Variants in SUDS3 observed in about 807,000 individuals in gnomAD.
The protein encoded by SUDS3 is SIN3A corepressor complex component SDS3.
A neutral mutation model predicts 53.5 loss-of-function variants in SUDS3; 23 were observed. The ratio of observed to expected loss-of-function variants is 0.43; its 90% confidence interval spans 0.31 to 0.61. The LOEUF (loss-of-function observed/expected upper bound fraction) is 0.61, where lower values mean the gene tolerates loss of function less well. Ranked by LOEUF, SUDS3 falls within the 20% of genes least tolerant of loss-of-function variation. The pLI is 0.10. For missense variants in SUDS3, 291 were observed against 405.9 expected, an observed-to-expected ratio of 0.72 and a Z score of 2.43; for synonymous variants, 150 against 148.5, an observed-to-expected ratio of 1.01 and a Z score of -0.08.
intron 1 of SUDS3, among the ~76,000 whole-genome samples, chr12:118,379,535 G>A (rs1309382535): frequency 2.0e-5 from 3 of 152,188 alleles, no homozygotes; most frequent in Admixed American, 6.5e-5. Context: ...TGGTATCCAC[G>A]GGAGGTGCAG....
rs566785212 is a variant in SUDS3 at position 118,400,035 on chromosome 12, G to A, written c.518-624G>A. 2.0e-5 allele frequency among the ~76,000 whole-genome samples: 3 copies of A among 152,274 alleles called. No individual in the cohort carries two copies. In the South Asian group the frequency reaches 6.2e-4, roughly 32 times the overall value. On this transcript the variant is annotated intron_variant, in intron 6 of 11. Transcript: ENST00000543473. Reference sequence around the variant, plus strand: ...CTCTTGGGAGGAGCTATTTGAAGGCGTGGGGAGTCAGCAGCAGTGTGAGAC... The same window carrying A: ...CTCTTGGGAGGAGCTATTTGAAGGCATGGGGAGTCAGCAGCAGTGTGAGAC...
chr12:118,401,952 C>CT (rs1225595855), intron 8 of SUDS3, 31 bp from the exon 9 acceptor site: 12 of 1,613,792 alleles, frequency 7.4e-6, no homozygotes, highest in South Asian at 2.2e-5. Flanking sequence ...ATGATTTTCT[C>CT]TAAGATTTTT....
At chr12:118,391,357 G>A in intron 6 of SUDS3, 75 bp downstream of exon 6, 1 of 1,505,328 alleles carries the variant, frequency 6.6e-7, no homozygotes, top group Non-Finnish European at 8.9e-7. Flanking sequence ...AGTTACTTTT[G>A]TCTTACATTT....
intron 5 of SUDS3, chr12:118,390,863 ATG>A: frequency 2.2e-6 from 1 of 459,768 alleles, no homozygotes; most frequent in South Asian, 2.2e-5. Context: ...CCTTTGAGAA[ATG>A]TGTTTTAGTA....
rs1261929353 is a variant in SUDS3, at chr12:118,376,828, A to T, written c.137A>T (p.Asp46Val). The change falls in exon 1 of 12, where the codon GAC (aspartate) becomes GTC (valine). Residue 46 changes from aspartate (D) to valine (V), a missense_variant. Coordinates refer to ENST00000543473, the MANE Select transcript of SUDS3 (RefSeq NM_022491.3). The stretch of plus-strand genomic sequence containing the variant: ...CGCAGCTGTCGGGGCCGCGAGTCGG[A>T]CGAAGGTGAGTCCTGCCGCTCGCCC... ...DERSCRGRES[D>V]EDTEDASETD... 6.5e-7 allele frequency: 1 copy of T among 1,531,900 alleles called. No individual in the cohort carries two copies. The highest frequency in any genetic ancestry group is 1.2e-5 in the South Asian group (1 of 83,132). The allele number at this position is 1,531,900 out of a possible 1,614,324, so 94.9% of individuals were successfully genotyped here. A position where few individuals can be genotyped will look rare whatever the true frequency, so the allele number is the denominator to read the frequency against.
In SUDS3 at chr12:118,390,127, C is replaced by T. The variant is rs112376761; in HGVS notation, c.360+181C>T. ...CATCCTGTCTGGTCATTTGTTGTTG[C>T]GCAGCCTCTGCTTATCACAGGGGAA... On this transcript the variant is annotated intron_variant, in intron 5 of 11. Coordinates refer to ENST00000543473, the MANE Select transcript of SUDS3 (RefSeq NM_022491.3). 8.8e-3 allele frequency among the ~76,000 whole-genome samples: 1,337 copies of T among 152,270 alleles called. 21 individuals carry two copies. The highest frequency in any genetic ancestry group is 0.028 in the African/African-American group (1,159 of 41,556).
chr12:118,384,015 G>A lies in SUDS3; in HGVS notation c.216G>A (p.Met72Ile), dbSNP rs756702598. The part of the protein sequence containing the change: ...EEDYVEMKEQ[M>I]YQDKLASLKR... ...TGTGACTTTTTTTTTTTTATAGGAT[G>A]TATCAGGACAAACTGGCTTCTCTCA... is the stretch of plus-strand genomic sequence containing the variant. Residue 72 changes from methionine to isoleucine, a missense_variant, in exon 3 of 12, where the codon ATG (methionine) becomes ATA (isoleucine). Physicochemically the swap from Met to Ile is conservative, Grantham distance 10 (BLOSUM62 1). This residue lies in a region of SUDS3 where 149 missense variants were observed against 146.5 expected (regional missense o/e 1.02). Coordinates refer to ENST00000543473, the MANE Select transcript of SUDS3 (RefSeq NM_022491.3). 1 of 1,608,022 alleles carries A rather than the reference G, an allele frequency of 6.2e-7. No individual in the cohort carries two copies. The highest frequency in any genetic ancestry group is 2.2e-5 in the East Asian group (1 of 44,814).
rs541569694 is a variant in SUDS3, at chr12:118,399,135, G to A, written c.518-1524G>A. Among the ~76,000 whole-genome samples, 39 of 152,256 alleles carry A rather than the reference G, an allele frequency of 2.6e-4. 1 individual carries two copies. The highest frequency in any genetic ancestry group is 1.7e-3 in the Admixed American group (26 of 15,288). ...GCTTGCACACGGTGTAAGCGTGAAT[G>A]AAGAAGAAGGGAGGAAGACCAGAAA... On this transcript the variant is annotated intron_variant, in intron 6 of 11. Coordinates refer to ENST00000543473, the MANE Select transcript of SUDS3 (RefSeq NM_022491.3).
intron 10 of SUDS3, among the ~76,000 whole-genome samples, chr12:118,408,148 C>G (rs1392428428): frequency 1.3e-5 from 2 of 152,166 alleles, no homozygotes; most frequent in Non-Finnish European, 2.9e-5. Context: ...ATATACCCGC[C>G]TCGGCCTCCC....
rs1029676198 is a variant in SUDS3 at position 118,415,427 on chromosome 12, G to T, written c.*994G>T. 1 of 151,996 alleles carries T rather than the reference G, an allele frequency of 6.6e-6. No individual in the cohort carries two copies. Among genetic ancestry groups the T allele is most frequent in the Non-Finnish European group, 1.5e-5 (1 of 68,032 alleles). The allele number at this position is 151,996 out of a possible 1,614,324, so 9.4% of individuals were successfully genotyped here. On this transcript the variant is annotated 3_prime_UTR_variant, in exon 12 of 12. Coordinates refer to ENST00000543473, the MANE Select transcript of SUDS3 (RefSeq NM_022491.3). ...AACCTGTGGAGAACTTTGTTGTCAG[G>T]CCCTGAGCGCTCACAGCTTCATTTG...
At chr12:118,404,286 T>G (rs2046291104) in intron 10 of SUDS3, 1 of 152,204 alleles carries the variant, frequency 6.6e-6, no homozygotes, top group South Asian at 2.1e-4. Context: ...AGTTTTTGTA[T>G]TTTTAGTAGA....
intron 1 of SUDS3, among the ~76,000 whole-genome samples, chr12:118,378,259 A>C (rs1237535656): frequency 6.6e-6 from 1 of 152,088 alleles, no homozygotes; most frequent in Non-Finnish European, 1.5e-5. Flanking sequence ...TAACTTGGAA[A>C]ATATTTATTT....
rs896492119 is a variant in SUDS3, at chr12:118,400,830, G to A, written c.613+76G>A. ...ATCCTATGTTTATCCGTTTGCTAGG[G>A]TACACATGGCCGTTGTCCTACAGAA... On this transcript the variant is annotated intron_variant, in intron 7 of 11. Transcript: ENST00000543473. The A allele has an allele frequency of 1.3e-5, 18 of 1,363,830 alleles. No individual in the cohort carries two copies. In the East Asian group the frequency reaches 1.8e-4, roughly 14 times the overall value. The allele number at this position is 1,363,830 out of a possible 1,614,324, so 84.5% of individuals were successfully genotyped here.
At chr12:118,413,111 G>T (rs2046372645) in intron 11 of SUDS3, among the ~76,000 whole-genome samples, 1 of 152,226 alleles carries the variant, frequency 6.6e-6, no homozygotes, top group South Asian at 2.1e-4. Context: ...TTAGCTTCAT[G>T]TGAGGTCTTT....
intron 4 of SUDS3, among the ~76,000 whole-genome samples, chr12:118,386,490 T>C (rs759786828): frequency 3.9e-5 from 6 of 152,066 alleles, no homozygotes; most frequent in Non-Finnish European, 5.9e-5. Flanking sequence ...GCTGGCCTGA[T>C]GTACAGTCAG....
At chr12:118,390,603 A>G (rs2046156787) in intron 5 of SUDS3, among the ~76,000 whole-genome samples, 1 of 152,150 alleles carries the variant, frequency 6.6e-6, no homozygotes, top group African/African-American at 2.4e-5. Flanking sequence ...TGAGGTACTC[A>G]CATCCTTAGC....
chr12:118,394,560 C>T (rs2046197322), intron 6 of SUDS3, among the ~76,000 whole-genome samples: 1 of 152,196 alleles, frequency 6.6e-6, no homozygotes, highest in Non-Finnish European at 1.5e-5. Context: ...TGGATAAAGT[C>T]TGTGTCTTCT....
chr12:118,402,174 A>G (rs2046269084), intron 9 of SUDS3, 170 bp downstream of exon 9: 7 of 629,172 alleles, frequency 1.1e-5, no homozygotes, highest in Non-Finnish European at 1.9e-5. Context: ...CCCCTCCCTG[A>G]TTTCTTTTTT....
At chr12:118,390,089 G>T in intron 5 of SUDS3, 143 bp downstream of exon 5, 1 of 1,023,982 alleles carries the variant, frequency 9.8e-7, no homozygotes, top group Non-Finnish European at 1.5e-6. Context: ...AGGACATTTG[G>T]TCTCAGCTCA....
Sources: gnomAD v4.1 joint callset for allele counts (sites outside exome capture counted in the v4.1 genomes callset) on GRCh38, gnomAD v4.1.1 for gene constraint, gnomAD v4.1.1 regional missense constraint, MANE v1.5 for transcripts, NCBI Gene and HGNC (gene_info 2026-07-23, HGNC 2026-07-21) for gene names.